The following STXBP4 variants were observed in gnomAD, a reference collection of about 807,000 sequenced individuals.
STXBP4 encodes the protein syntaxin-binding protein 4.
STXBP4 carries 55 observed loss-of-function variants against 76.1 expected under a neutral mutation model. The observed-to-expected ratio is 0.72, with a 90% confidence interval of 0.58 to 0.91. The LOEUF (loss-of-function observed/expected upper bound fraction) is 0.91. STXBP4 is among the 40% of genes least tolerant of loss of function. STXBP4 has a pLI of 0.00. For synonymous variants in STXBP4, 201 were observed against 220.2 expected (o/e 0.91, Z 0.77); for missense variants, 618 against 636.9 (o/e 0.97, Z 0.32).
intron 1 of STXBP4, among the ~76,000 whole-genome samples, chr17:54,983,569 A>G (rs761373691): frequency 1.5e-4 from 23 of 151,812 alleles, no homozygotes; most frequent in Admixed American, 2.6e-4. Flanking sequence ...CTAATGCCAT[A>G]TTACTAGCCC....
At chr17:55,097,428 C>T (rs1207334891) in intron 16 of STXBP4, among the ~76,000 whole-genome samples, 1 of 152,080 alleles carries the variant, frequency 6.6e-6, no homozygotes, top group Non-Finnish European at 1.5e-5. Flanking sequence ...CTTTGGGGGG[C>T]CAAGGCGGGC....
intron 17 of STXBP4, among the ~76,000 whole-genome samples, chr17:55,144,186 A>G (rs966069038): frequency 2.6e-5 from 4 of 152,226 alleles, no homozygotes; most frequent in African/African-American, 4.8e-5. Flanking sequence ...ACTTGGTTGT[A>G]AGAATAAGAA....
intron 8 of STXBP4, among the ~76,000 whole-genome samples, chr17:55,027,970 A>G (rs1395401677): frequency 1.3e-5 from 2 of 152,078 alleles, no homozygotes; most frequent in African/African-American, 4.8e-5. Flanking sequence ...TAAAAAATTC[A>G]TGGGAATAGT....
the STXBP4 span, among the ~76,000 whole-genome samples, chr17:55,179,507 A>G: frequency 2.0e-5 from 3 of 152,278 alleles, no homozygotes; most frequent in East Asian, 3.9e-4. Context: ...TCTGAAGGCA[A>G]AAAGCTATAT....
chr17:55,110,068 A>G (rs750344456), intron 16 of STXBP4, among the ~76,000 whole-genome samples: 1 of 152,100 alleles, frequency 6.6e-6, no homozygotes, highest in Non-Finnish European at 1.5e-5. Context: ...TCTAGGAAAT[A>G]CTCCATTTTC....
At position 55,079,280 on chromosome 17, in the gene STXBP4, C is replaced by T. The variant is rs532277440; in HGVS notation, c.1355+545C>T. ...TTTCTTACTAGAAGCTGGAAACATACTAATCAAATTTATTTATTTCAAACC... is the reference window on the plus strand; with the variant it reads ...TTTCTTACTAGAAGCTGGAAACATATTAATCAAATTTATTTATTTCAAACC... On this transcript the variant is annotated intron_variant, in intron 15 of 17. Transcript: ENST00000376352. Among the ~76,000 whole-genome samples the T allele has an allele frequency of 1.6e-4, 25 of 152,198 alleles. No individual in the cohort carries two copies. The South Asian group carries it at 4.4e-3, about 27-fold the overall frequency.
At chr17:55,000,192 G>A (rs2144492652) in intron 6 of STXBP4, 1 of 984,966 alleles carries the variant, frequency 1.0e-6, no homozygotes, top group Non-Finnish European at 1.2e-6. Context: ...CTGAAGTGAG[G>A]CCATCTTCCT....
At chr17:55,115,447 G>A (rs562464795) in intron 16 of STXBP4, among the ~76,000 whole-genome samples, 1 of 151,844 alleles carries the variant, frequency 6.6e-6, no homozygotes, top group African/African-American at 2.4e-5. Flanking sequence ...TTTGTTCAGG[G>A]TTGACTAAGA....
chr17:54,999,605 C>A, intron 5 of STXBP4, 27 bp from the exon 6 acceptor site: 1 of 1,586,288 alleles, frequency 6.3e-7, no homozygotes, highest in Non-Finnish European at 8.6e-7. Flanking sequence ...ATAGCATATC[C>A]ATAAAGTGAT....
chr17:54,990,424 C>A (rs2077696792), intron 3 of STXBP4, among the ~76,000 whole-genome samples: 1 of 152,176 alleles, frequency 6.6e-6, no homozygotes, highest in Non-Finnish European at 1.5e-5. Flanking sequence ...AGGGATCTAG[C>A]TTGCGTGCTC....
At chr17:55,204,787 G>A in the STXBP4 span, among the ~76,000 whole-genome samples, 2 of 150,330 alleles carry the variant, frequency 1.3e-5, no homozygotes, top group South Asian at 2.1e-4. Flanking sequence ...GGCTGCATTG[G>A]TATCTCTTCA....
chr17:55,125,616 T>A (rs2628324), intron 16 of STXBP4, among the ~76,000 whole-genome samples: 98,734 of 151,884 alleles, frequency 0.65, 33,180 homozygotes, highest in African/African-American at 0.83. Flanking sequence ...TTTTAGATTG[T>A]TGGCAGGACC....
chr17:55,040,431 A>G (rs1478919864), intron 10 of STXBP4, among the ~76,000 whole-genome samples: 6 of 152,174 alleles, frequency 3.9e-5, no homozygotes. Flanking sequence ...GTAATTGAAT[A>G]GGTCTCTAAT....
At chr17:55,129,411 C>T (rs1555587954) in intron 16 of STXBP4, among the ~76,000 whole-genome samples, 1 of 151,426 alleles carries the variant, frequency 6.6e-6, no homozygotes, top group Non-Finnish European at 1.5e-5. Context: ...GTTTATAATC[C>T]CATGACAAAA....
chr17:55,182,234 G>T, the STXBP4 span, among the ~76,000 whole-genome samples: 2 of 152,096 alleles, frequency 1.3e-5, no homozygotes, highest in Admixed American at 6.5e-5. Context: ...TTCTTATAAA[G>T]GAGATAAAAG....
intron 8 of STXBP4, among the ~76,000 whole-genome samples, chr17:55,028,490 A>G (rs956116949): frequency 7.9e-5 from 12 of 152,172 alleles, no homozygotes; most frequent in African/African-American, 2.9e-4. Flanking sequence ...AACCTGAAAA[A>G]TTAGACACCA....
intron 16 of STXBP4, among the ~76,000 whole-genome samples, chr17:55,138,864 A>G (rs1169791723): frequency 6.6e-6 from 1 of 152,074 alleles, no homozygotes; most frequent in African/African-American, 2.4e-5. Context: ...TTTAGTTTGT[A>G]ATTGGACAGT....
chr17:55,054,220 C>G (rs2078896002), intron 12 of STXBP4, among the ~76,000 whole-genome samples: 1 of 152,102 alleles, frequency 6.6e-6, no homozygotes, highest in Non-Finnish European at 1.5e-5. Flanking sequence ...AACACAGTGG[C>G]TCACGCCTAT....
chr17:55,134,729 A>G (rs951250857), intron 16 of STXBP4, among the ~76,000 whole-genome samples: 1 of 152,066 alleles, frequency 6.6e-6, no homozygotes, highest in Non-Finnish European at 1.5e-5. Flanking sequence ...CTGATCTCAC[A>G]CTCTCCTGAG....
Sources: allele counts gnomAD v4.1 joint callset (sites outside exome capture counted in the v4.1 genomes callset), GRCh38; gene constraint gnomAD v4.1.1; transcripts MANE v1.5; gene names NCBI Gene and HGNC (gene_info 2026-07-23, HGNC 2026-07-21).